Variants in SPEF2 observed in about 807,000 individuals in gnomAD.
SPEF2 encodes the protein sperm flagella and cilia-associated protein 2.
Under a neutral mutation model 224.6 loss-of-function variants are expected in SPEF2, and 187 were observed. That is an observed-to-expected ratio of 0.83 (90% CI 0.74 to 0.94). The LOEUF is 0.94. SPEF2 is among the 40% of genes least tolerant of loss of function. SPEF2 has a pLI of 0.00. For synonymous variants in SPEF2, 715 were observed against 707.3 expected, an observed-to-expected ratio of 1.01 and a Z score of -0.17; for missense variants, 2,170 against 2,135.6, an observed-to-expected ratio of 1.02 and a Z score of -0.32.
intron 19 of SPEF2, 131 bp downstream of exon 19, chr5:35,709,252 A>C (rs1472310337): frequency 1.3e-6 from 2 of 1,481,760 alleles, no homozygotes; most frequent in Non-Finnish European, 1.8e-6. Context: ...CTTTACACTC[A>C]GATGGAAGTG....
Position 35,756,521 on chromosome 5 carries a change from G to T in SPEF2, c.3468+2760G>T, listed in dbSNP as rs115523707. Among the ~76,000 whole-genome samples, 1,321 of 152,274 alleles carry T rather than the reference G, an allele frequency of 8.7e-3. 26 individuals are homozygous for T. The highest frequency in any genetic ancestry group is 0.031 in the African/African-American group (1,277 of 41,548). The stretch of plus-strand genomic sequence containing the variant: ...ATTTAAAGAAAGAGCCTAATGAACA[G>T]CCCATCAAGTAACAGACTTTGGAGG... On this transcript the variant is annotated intron_variant, in intron 24 of 36. Transcript: ENST00000356031.
At chr5:35,670,330 A>G in intron 10 of SPEF2, 103 bp downstream of exon 10, 9 of 1,454,020 alleles carry the variant, frequency 6.2e-6, no homozygotes, top group Non-Finnish European at 8.1e-6. Context: ...ATAAAAATAG[A>G]CATGTTTTGT....
intron 25 of SPEF2, among the ~76,000 whole-genome samples, chr5:35,761,795 T>G (rs977360915): frequency 6.6e-6 from 1 of 152,188 alleles, no homozygotes. Context: ...AATAGCAAGT[T>G]AGGCATAATG....
At chr5:35,649,792 T>C (rs2149424883) in intron 6 of SPEF2, among the ~76,000 whole-genome samples, 1 of 152,364 alleles carries the variant, frequency 6.6e-6, no homozygotes, top group South Asian at 2.1e-4. Flanking sequence ...TATCATGCTG[T>C]ATCCTCAGCA....
At chr5:35,814,350 A>G in intron 36 of SPEF2, 114 bp from the exon 37 acceptor site, 1 of 499,176 alleles carries the variant, frequency 2.0e-6, no homozygotes, top group East Asian at 3.6e-5. Flanking sequence ...AAAAGAAATA[A>G]AAACTGTTTA....
chr5:35,799,669 C>T (rs993594405), intron 33 of SPEF2, among the ~76,000 whole-genome samples: 1 of 152,116 alleles, frequency 6.6e-6, no homozygotes, highest in Non-Finnish European at 1.5e-5. Context: ...GTGCTTGTGG[C>T]TCTCTTTTCC....
At chr5:35,722,105 A>G (rs79036640) in intron 20 of SPEF2, among the ~76,000 whole-genome samples, 52 of 151,816 alleles carry the variant, frequency 3.4e-4, no homozygotes, top group Non-Finnish European at 5.7e-4. Context: ...AAAAAAAAAA[A>G]CAGTTTAAAA....
intron 7 of SPEF2, among the ~76,000 whole-genome samples, chr5:35,657,247 A>T (rs1749089772): frequency 6.6e-6 from 1 of 152,186 alleles, no homozygotes; most frequent in African/African-American, 2.4e-5. Flanking sequence ...GAATTTAGGT[A>T]TTCCTGTTTT....
At chr5:35,743,078 T>A (rs1747936214) in intron 23 of SPEF2, among the ~76,000 whole-genome samples, 2 of 151,566 alleles carry the variant, frequency 1.3e-5, no homozygotes, top group South Asian at 4.1e-4. Flanking sequence ...AACATAGACT[T>A]ACATATAATA....
Position 35,737,522 on chromosome 5 carries a change from A to G in SPEF2, c.3064-2397A>G, listed in dbSNP as rs1053975236. On this transcript the variant is annotated intron_variant, in intron 21 of 36. Coordinates refer to ENST00000356031, the MANE Select transcript of SPEF2 (RefSeq NM_024867.4). ...AATGATGGTTTCCAGCTTCATCCAT[A>G]TCCCTACAAAGGACATGAACTCATC... Among the ~76,000 whole-genome samples, 3 of 151,848 alleles carry G rather than the reference A, an allele frequency of 2.0e-5. No individual in the cohort carries two copies. The East Asian group carries it at 5.8e-4, about 29-fold the overall frequency.
At chr5:35,811,055 C>T (rs1758500346) in intron 36 of SPEF2, among the ~76,000 whole-genome samples, 1 of 150,362 alleles carries the variant, frequency 6.7e-6, no homozygotes, top group Non-Finnish European at 1.5e-5. Flanking sequence ...GAAAAAGGGT[C>T]CCTTTCCAGT....
intron 32 of SPEF2, among the ~76,000 whole-genome samples, chr5:35,793,822 T>C (rs1756294790): frequency 2.6e-5 from 4 of 151,516 alleles, no homozygotes; most frequent in Non-Finnish European, 4.4e-5. Flanking sequence ...AATGATGAGA[T>C]TATTTTTGAG....
chr5:35,650,229 A>G (rs1747988542), intron 6 of SPEF2, among the ~76,000 whole-genome samples: 1 of 152,206 alleles, frequency 6.6e-6, no homozygotes, highest in Non-Finnish European at 1.5e-5. Flanking sequence ...GGAAGAAATG[A>G]TGAAGTCAGG....
chr5:35,685,641 C>T (rs1267682013), intron 10 of SPEF2, among the ~76,000 whole-genome samples: 2 of 151,838 alleles, frequency 1.3e-5, no homozygotes, highest in African/African-American at 4.8e-5. Context: ...ATAATATGGG[C>T]ATTTATTTAT....
chr5:35,789,005 C>G (rs1179495917), intron 30 of SPEF2: 1 of 696,148 alleles, frequency 1.4e-6, no homozygotes, highest in Non-Finnish European at 2.6e-6. Flanking sequence ...CAAGGGATAT[C>G]CTGCAATTGT....
At chr5:35,710,265 T>G in intron 19 of SPEF2, 3 of 984,432 alleles carry the variant, frequency 3.0e-6, no homozygotes, top group Non-Finnish European at 2.4e-6. Context: ...TTTTTAGAAC[T>G]GGGGAAGACA....
chr5:35,669,993 T>C, intron 9 of SPEF2, 66 bp from the exon 10 acceptor site: 1 of 1,245,678 alleles, frequency 8.0e-7, no homozygotes, highest in Non-Finnish European at 1.1e-6. Context: ...ATAATAAAAA[T>C]ACCAATGTTT....
chr5:35,740,831 T>C (rs1339976678), intron 23 of SPEF2, among the ~76,000 whole-genome samples: 1 of 152,192 alleles, frequency 6.6e-6, no homozygotes, highest in Non-Finnish European at 1.5e-5. Context: ...GAAAGGGGCC[T>C]CTGATGTACA....
At chr5:35,775,755 C>T (rs748594794) in intron 28 of SPEF2, among the ~76,000 whole-genome samples, 5 of 151,836 alleles carry the variant, frequency 3.3e-5, no homozygotes, top group Non-Finnish European at 5.9e-5. Flanking sequence ...CCAAACTATG[C>T]GATGATGATG....
Sources: gnomAD v4.1 joint callset for allele counts (sites outside exome capture counted in the v4.1 genomes callset) on GRCh38, gnomAD v4.1.1 for gene constraint, MANE v1.5 for transcripts, NCBI Gene and HGNC (gene_info 2026-07-23, HGNC 2026-07-21) for gene names.